TBRG4: variants seen among roughly 807,000 people sequenced by gnomAD.
TBRG4 encodes the protein FAST kinase domain-containing protein 4.
A neutral mutation model predicts 65.6 loss-of-function variants in TBRG4; 43 were observed. That is an observed-to-expected ratio of 0.66 (90% CI 0.51 to 0.85). The LOEUF is 0.85. TBRG4 is among the 40% of genes least tolerant of loss of function. The pLI is 0.00. For synonymous variants in TBRG4, 366 were observed against 341.4 expected, an observed-to-expected ratio of 1.07 and a Z score of -0.79; for missense variants, 709 against 787.9, an observed-to-expected ratio of 0.90 and a Z score of 1.20.
intron 3 of TBRG4, chr7:45,105,075 A>C (rs1253580984): frequency 1.4e-6 from 1 of 689,732 alleles, no homozygotes; most frequent in African/African-American, 1.7e-5. Flanking sequence ...GCACATCTCC[A>C]GGAGAGTTCT....
Position 45,101,262 on chromosome 7 carries a change from A to G in TBRG4, c.1790T>C (p.Val597Ala). Reference sequence around the variant, plus strand: ...ACCTGCCCAAGAGGTACTCACGTCCACTATCAGGAAGCCTGCAGCCACTAT... The same window carrying G: ...ACCTGCCCAAGAGGTACTCACGTCCGCTATCAGGAAGCCTGCAGCCACTAT... The part of the protein sequence containing the change: ...RHIVAAGFLI[V>A]DVPFYEWLEL... The change falls in exon 10 of 11, where the codon GTG becomes GCG. Residue 597 changes from valine (V) to alanine (A), a missense_variant. Transcript: ENST00000258770. The G allele has an allele frequency of 6.2e-7, 1 of 1,612,776 alleles. No homozygotes were observed. The highest frequency in any genetic ancestry group is 8.5e-7 in the Non-Finnish European group (1 of 1,179,352).
At position 45,103,366 on chromosome 7, in the gene TBRG4, G is replaced by A; in HGVS notation, c.1143C>T (p.Phe381=). 1 of 1,613,924 alleles carries A rather than the reference G, an allele frequency of 6.2e-7. No individual in the cohort carries two copies. The highest frequency in any genetic ancestry group is 8.5e-7 in the Non-Finnish European group (1 of 1,179,892). Residue 381 remains phenylalanine, a synonymous_variant, in exon 6 of 11, where the codon TTC becomes TTT. Transcript: ENST00000258770. ...AGAACTGATCCTCTTGGTCTGGATG[G>A]AAGTTCAGACGCGCAAAAGCCAGAA... ...SVLLAFARLN[F]HPDQEDQFFS...
chr7:45,104,027 G>T (rs1187228994), intron 5 of TBRG4, 72 bp downstream of exon 5: 5 of 1,472,132 alleles, frequency 3.4e-6, no homozygotes, highest in South Asian at 2.8e-5. Context: ...TTACTTTCCC[G>T]ACTAAGGCAA....
rs1175606018 is a variant in TBRG4 at position 45,101,499 on chromosome 7, C to T, written c.1679+4G>A. ...CCATGGCCAACAGGTCCCTGGCCAC[C>T]TACCTCTTAGACCCTGGAGGTGGTG... is the stretch of plus-strand genomic sequence containing the variant. On this transcript the variant is annotated splice_donor_region_variant and intron_variant, in intron 9 of 10. Coordinates refer to ENST00000258770, the MANE Select transcript of TBRG4 (RefSeq NM_004749.4). The T allele has an allele frequency of 6.2e-7, 1 of 1,612,676 alleles. No individual in the cohort carries two copies. The highest frequency in any genetic ancestry group is 1.1e-5 in the South Asian group (1 of 90,792).
chr7:45,106,265 TC>T (rs1294407672), intron 2 of TBRG4: 8 of 323,278 alleles, frequency 2.5e-5, no homozygotes, highest in African/African-American at 1.7e-4. Flanking sequence ...AGGGAAATTC[TC>T]CAAGTTTCCC....
At position 45,101,625 on chromosome 7, in the gene TBRG4, G is replaced by T; in HGVS notation, c.1568-11C>A. ...GCAGCACCTCAGCATCTGGGGAAGG[G>T]GTGTGGGATGAGAACATGTTGGGGG... On this transcript the variant is annotated splice_polypyrimidine_tract_variant and intron_variant, in intron 8 of 10. Coordinates refer to ENST00000258770, the MANE Select transcript of TBRG4 (RefSeq NM_004749.4). 1 of 1,612,156 alleles carries T rather than the reference G, an allele frequency of 6.2e-7. No individual in the cohort carries two copies. The highest frequency in any genetic ancestry group is 1.7e-4 in the Middle Eastern group (1 of 5,786).
At chr7:45,101,745 G>A (rs1784771390) in intron 8 of TBRG4, 80 bp downstream of exon 8, 10 of 1,597,888 alleles carry the variant, frequency 6.3e-6, no homozygotes, top group Non-Finnish European at 8.5e-6. Context: ...GTCAGTACTT[G>A]CTGCAGACGG....
In TBRG4 at chr7:45,100,240, G is replaced by T; in HGVS notation, c.*85C>A. The stretch of plus-strand genomic sequence containing the variant: ...CACTCTGGCCAAGGTCCTGCACAGA[G>T]GTTTGTCCTCAAGGGTGACCCTTCT... On this transcript the variant is annotated 3_prime_UTR_variant, in exon 11 of 11. Coordinates refer to ENST00000258770, the MANE Select transcript of TBRG4 (RefSeq NM_004749.4). The T allele has an allele frequency of 8.8e-7, 1 of 1,137,324 alleles. No homozygotes were observed. Among genetic ancestry groups the T allele is most frequent in the Non-Finnish European group, 1.3e-6 (1 of 789,594 alleles). 70.5% of individuals were successfully genotyped at this position (1,137,324 alleles called of 1,614,324 possible). A position where few individuals can be genotyped will look rare whatever the true frequency, so the allele number is the denominator to read the frequency against.
At chr7:45,105,015 A>C in intron 3 of TBRG4, 1 of 728,458 alleles carries the variant, frequency 1.4e-6, no homozygotes, top group Non-Finnish European at 2.5e-6. Flanking sequence ...CTATGACAGA[A>C]ACGGGCACTG....
chr7:45,106,071 G>A (rs7776981), intron 2 of TBRG4: 29,965 of 617,136 alleles, frequency 0.049, 2,086 homozygotes, highest in African/African-American at 0.24. Context: ...ACCATAGACA[G>A]GGCAGGCACT....
chr7:45,100,933 C>G (rs1784743866), intron 10 of TBRG4, among the ~76,000 whole-genome samples: 1 of 152,396 alleles, frequency 6.6e-6, no homozygotes, highest in African/African-American at 2.4e-5. Context: ...AGCAGCTGCA[C>G]TCAGAGCCCC....
Position 45,103,376 on chromosome 7 carries a change from C to T in TBRG4, c.1133G>A (p.Arg378His), listed in dbSNP as rs754602986. 36 of 1,613,878 alleles carry T rather than the reference C, an allele frequency of 2.2e-5. No homozygotes were observed. Among genetic ancestry groups the T allele is most frequent in the Admixed American group, 1.2e-4 (7 of 59,988 alleles). The change falls in exon 6 of 11, where the codon CGT becomes CAT. Residue 378 changes from arginine to histidine, a missense_variant. Arg to His is a conservative substitution (Grantham distance 29). Coordinates refer to ENST00000258770, the MANE Select transcript of TBRG4 (RefSeq NM_004749.4). ...HLCSVLLAFA[R>H]LNFHPDQEDQ... is the part of the protein sequence containing the mutation. The stretch of plus-strand genomic sequence containing the variant: ...CTCTTGGTCTGGATGGAAGTTCAGA[C>T]GCGCAAAAGCCAGAAGTACGCTGCA...
At position 45,103,329 on chromosome 7, in the gene TBRG4, C is replaced by T; in HGVS notation, c.1176+4G>A. The T allele has an allele frequency of 6.2e-7, 1 of 1,610,642 alleles. No individual in the cohort carries two copies. The highest frequency in any genetic ancestry group is 8.5e-7 in the Non-Finnish European group (1 of 1,178,040). On this transcript the variant is annotated splice_donor_region_variant and intron_variant, in intron 6 of 10. Coordinates refer to ENST00000258770, the MANE Select transcript of TBRG4 (RefSeq NM_004749.4). ...GTCGAGCAGTGGGAGCCCAGAGGCC[C>T]TACCAGGCTGAAGAACTGATCCTCT...
rs534180194 is a variant in TBRG4, at chr7:45,105,756, C to G, written c.420G>C (p.Ser140=). Residue 140 remains serine, a synonymous_variant, in exon 3 of 11, where the codon TCG becomes TCC. Transcript: ENST00000258770. ...LLCLLNSQIA[S]VWHGTLSKLL... ...GCTTCGAGAGGGTACCATGCCAGACCGAGGCAATCTAGGCAGAGAAAGGAC... is the reference window on the plus strand; with the variant it reads ...GCTTCGAGAGGGTACCATGCCAGACGGAGGCAATCTAGGCAGAGAAAGGAC... The G allele has an allele frequency of 5.6e-5, 90 of 1,605,806 alleles. No individual in the cohort carries two copies. In the East Asian group the frequency reaches 1.9e-3, roughly 34 times the overall value.
chr7:45,109,689 G>A (rs760838700), intron 1 of TBRG4, among the ~76,000 whole-genome samples: 32 of 151,846 alleles, frequency 2.1e-4, no homozygotes, highest in African/African-American at 3.4e-4. Flanking sequence ...TAAAAATTAC[G>A]GGCTTGGCCA....
intron 10 of TBRG4, 46 bp downstream of exon 10, chr7:45,101,212 T>C: frequency 6.3e-7 from 1 of 1,575,154 alleles, no homozygotes; most frequent in Non-Finnish European, 8.7e-7. Context: ...TAGCGTGGGT[T>C]GGGGATTCTC....
chr7:45,101,348 G>A lies in TBRG4; in HGVS notation c.1704C>T (p.Phe568=), dbSNP rs1165596175. Residue 568 remains phenylalanine, a synonymous_variant, in exon 10 of 11, where the codon TTC becomes TTT. Coordinates refer to ENST00000258770, the MANE Select transcript of TBRG4 (RefSeq NM_004749.4). The stretch of plus-strand genomic sequence containing the variant: ...CCTTGCTTCGGCTGTTGAAGTTGGG[G>A]AACTCCCACCGCAAGAACGCTAGCC... ...SKRLAFLRWE[F]PNFNSRSKDL... is the part of the protein sequence containing the mutation. The A allele has an allele frequency of 1.2e-6, 2 of 1,614,008 alleles. No homozygotes were observed. Among genetic ancestry groups the A allele is most frequent in the South Asian group, 2.2e-5 (2 of 91,086 alleles).
chr7:45,104,092 GGCTCACCTGGGCAAA>G lies in TBRG4; in HGVS notation c.1057_1065+6del. ...CTTCTCTGAGTTGGGGCCAGGCCCT[GGCTCACCTGGGCAAA>G]GGCCTCAAACAGGGGCAGGCTGAGC... On this transcript the variant is annotated splice_donor_variant and splice_donor_5th_base_variant and coding_sequence_variant and intron_variant, in exon 5 of 11. Transcript: ENST00000258770. LOFTEE classifies it high-confidence loss of function. 1 of 1,593,822 alleles carries G rather than the reference GGCTCACCTGGGCAAA, an allele frequency of 6.3e-7. No individual in the cohort carries two copies. Among genetic ancestry groups the G allele is most frequent in the Non-Finnish European group, 8.5e-7 (1 of 1,170,166 alleles).
intron 6 of TBRG4, chr7:45,102,763 C>A (rs1047938093): frequency 4.1e-6 from 2 of 488,508 alleles, no homozygotes; most frequent in Non-Finnish European, 3.6e-6. Flanking sequence ...TTTACTACAA[C>A]CAACCTACTG....
Sources: allele counts gnomAD v4.1 joint callset (sites outside exome capture counted in the v4.1 genomes callset), GRCh38; gene constraint gnomAD v4.1.1; transcripts MANE v1.5; gene names NCBI Gene and HGNC (gene_info 2026-07-23, HGNC 2026-07-21).